Variants in ZNF343 observed in about 807,000 individuals in gnomAD.
ZNF343 encodes zinc finger protein 343.
ZNF343 carries 11 observed loss-of-function variants against 13.8 expected under a neutral mutation model. The ratio of observed to expected loss-of-function variants is 0.80; its 90% CI spans 0.50 to 1.32. The LOEUF is 1.32. Ranked by LOEUF, ZNF343 falls within the 40% of genes most tolerant of loss-of-function variation. The pLI, the probability that ZNF343 is intolerant of heterozygous loss-of-function variation, is 0.00. For synonymous variants in ZNF343, 248 were observed against 260.0 expected, an observed-to-expected ratio of 0.95 and a Z score of 0.44; for missense variants, 658 against 714.2, an observed-to-expected ratio of 0.92 and a Z score of 0.90.
chr20:2,490,174 G>C (rs560728975), intron 5 of ZNF343, among the ~76,000 whole-genome samples: 8 of 152,032 alleles, frequency 5.3e-5, no homozygotes, highest in Non-Finnish European at 1.2e-4. Context: ...AGAAAGATGG[G>C]GATGAAGCAC....
intron 1 of ZNF343, among the ~76,000 whole-genome samples, chr20:2,504,441 C>G (rs1350083102): frequency 6.6e-6 from 1 of 152,214 alleles, no homozygotes; most frequent in African/African-American, 2.4e-5. Context: ...TCCTCCCTAA[C>G]TCATTTTATG....
intron 1 of ZNF343, among the ~76,000 whole-genome samples, chr20:2,506,880 G>T (rs1156491749): frequency 6.6e-6 from 1 of 151,628 alleles, no homozygotes; most frequent in East Asian, 1.9e-4. Context: ...CACCAACATG[G>T]AACATGTATA....
chr20:2,488,619 T>C (rs2085318398), intron 5 of ZNF343, among the ~76,000 whole-genome samples: 1 of 152,226 alleles, frequency 6.6e-6, no homozygotes, highest in Non-Finnish European at 1.5e-5. Context: ...TATTTTTCAG[T>C]GCATTCTTGC....
intron 2 of ZNF343, among the ~76,000 whole-genome samples, chr20:2,499,850 T>A (rs916276527): frequency 7.2e-5 from 11 of 152,224 alleles, no homozygotes; most frequent in African/African-American, 2.7e-4. Context: ...CTTCTCCCTC[T>A]TATAGTTCTT....
chr20:2,496,676 A>T (rs929737819), intron 2 of ZNF343, among the ~76,000 whole-genome samples: 1 of 152,200 alleles, frequency 6.6e-6, no homozygotes, highest in Non-Finnish European at 1.5e-5. Context: ...GACACAGTGT[A>T]GGTGGTAAAT....
rs61276037 is a variant in ZNF343, at chr20:2,502,801, T to G, written c.-236-2059A>C. Reference sequence around the variant, plus strand: ...ACCACCAGGCCTGCCCTAAAAGACCTCCTGAAGGAAGCACTAAACATGGAA... The same window carrying G: ...ACCACCAGGCCTGCCCTAAAAGACCGCCTGAAGGAAGCACTAAACATGGAA... On this transcript the variant is annotated intron_variant, in intron 1 of 5. Coordinates refer to ENST00000278772, the MANE Select transcript of ZNF343 (RefSeq NM_024325.6). 7.6e-3 allele frequency among the ~76,000 whole-genome samples: 1,163 copies of G among 152,180 alleles called. 18 individuals carry two copies. Among genetic ancestry groups the G allele is most frequent in the African/African-American group, 0.026 (1,061 of 41,514 alleles).
chr20:2,510,028 C>T (rs2085728787), upstream of ZNF343, among the ~76,000 whole-genome samples: 1 of 152,218 alleles, frequency 6.6e-6, no homozygotes, highest in African/African-American at 2.4e-5. Context: ...GAAGATAGTG[C>T]CCTTATCTCC....
chr20:2,511,405 T>C (rs2085738670), upstream of ZNF343, among the ~76,000 whole-genome samples: 2 of 152,208 alleles, frequency 1.3e-5, no homozygotes, highest in African/African-American at 4.8e-5. Flanking sequence ...CCACCGCACC[T>C]GGCCTGGAAG....
intron 1 of ZNF343, among the ~76,000 whole-genome samples, chr20:2,514,279 A>T (rs1409379537): frequency 6.6e-6 from 1 of 152,234 alleles, no homozygotes; most frequent in African/African-American, 2.4e-5. Flanking sequence ...TCACCTTTAT[A>T]TGAGCTAAAA....
chr20:2,487,881 T>C (rs2085305561), intron 5 of ZNF343, among the ~76,000 whole-genome samples: 2 of 152,250 alleles, frequency 1.3e-5, no homozygotes, highest in Non-Finnish European at 2.9e-5. Context: ...GTGTGTAGTT[T>C]TAATTTGCAT....
chr20:2,491,658 T>C (rs1008120824), intron 5 of ZNF343, among the ~76,000 whole-genome samples: 1 of 152,206 alleles, frequency 6.6e-6, no homozygotes, highest in Non-Finnish European at 1.5e-5. Flanking sequence ...GAAAGTTTTA[T>C]TGGAACATAT....
chr20:2,499,416 G>A (rs2085520087), intron 2 of ZNF343, among the ~76,000 whole-genome samples: 1 of 88,862 alleles, frequency 1.1e-5, no homozygotes, highest in African/African-American at 4.1e-5. Flanking sequence ...AGTGAGCCGA[G>A]ATCCCGCCAC....
chr20:2,499,484 AAAAAAAAG>A (rs2085523667), intron 2 of ZNF343, among the ~76,000 whole-genome samples: 1 of 146,600 alleles, frequency 6.8e-6, no homozygotes, highest in African/African-American at 2.6e-5. Context: ...AAAAAAAAAA[AAAAAAAAG>A]AAAAAGAAAT....
chr20:2,522,387 C>A (rs2085786386), intron 1 of ZNF343, among the ~76,000 whole-genome samples: 1 of 152,214 alleles, frequency 6.6e-6, no homozygotes, highest in East Asian at 1.9e-4. Context: ...TGTAAACATA[C>A]ATTTTTATTT....
chr20:2,491,558 A>G (rs1466474993), intron 5 of ZNF343, among the ~76,000 whole-genome samples: 1 of 152,172 alleles, frequency 6.6e-6, no homozygotes, highest in Non-Finnish European at 1.5e-5. Context: ...TGGTTTTTAC[A>G]TTTTTAAATG....
chr20:2,508,807 C>T lies in ZNF343; in HGVS notation c.-237+74G>A, dbSNP rs1347906937. 1.3e-5 allele frequency: 2 copies of T among 152,292 alleles called. No homozygotes were observed. Among genetic ancestry groups the T allele is most frequent in the African/African-American group, 2.4e-5 (1 of 41,478 alleles). The allele number at this position is 152,292 out of a possible 1,614,324, so 9.4% of individuals were successfully genotyped here. A position where few individuals can be genotyped will look rare whatever the true frequency, so the allele number is the denominator to read the frequency against. On this transcript the variant is annotated intron_variant, in intron 1 of 5. Coordinates refer to ENST00000278772, the MANE Select transcript of ZNF343 (RefSeq NM_024325.6). This position sits in a 1 kb window ranked among gnomAD's most constrained non-coding sequence, Gnocchi z 4.5. ...TCTACCCCGCGTCCTAACCTACGCT[C>T]GGCCTTTCCCGACCCTCCTTTCCCC... is the stretch of plus-strand genomic sequence containing the variant.
At position 2,505,637 on chromosome 20, in the gene ZNF343, G is replaced by A. The variant is rs534739445; in HGVS notation, c.-237+3244C>T. On this transcript the variant is annotated intron_variant, in intron 1 of 5. Coordinates refer to ENST00000278772, the MANE Select transcript of ZNF343 (RefSeq NM_024325.6). Reference sequence around the variant, plus strand: ...AAACAGAGCCCTCAGAAATAATGCCGCATATCTACAACCATCTGATCTTTG... The same window carrying A: ...AAACAGAGCCCTCAGAAATAATGCCACATATCTACAACCATCTGATCTTTG... Among the ~76,000 whole-genome samples, 69 of 152,158 alleles carry A rather than the reference G, an allele frequency of 4.5e-4. 1 individual carries two copies. The highest frequency in any genetic ancestry group is 1.5e-3 in the East Asian group (8 of 5,180).
chr20:2,508,231 C>A lies in ZNF343; in HGVS notation c.-237+650G>T, dbSNP rs1477202761. 6.6e-6 allele frequency among the ~76,000 whole-genome samples: 1 copy of A among 152,122 alleles called. No homozygotes were observed. Among genetic ancestry groups the A allele is most frequent in the Non-Finnish European group, 1.5e-5 (1 of 68,022 alleles). On this transcript the variant is annotated intron_variant, in intron 1 of 5. Transcript: ENST00000278772. This position sits in a 1 kb window ranked among gnomAD's most constrained non-coding sequence, Gnocchi z 4.5. ...AGGGACTCCTGACCCAAGACACTCG[C>A]CCAGGCCCTCTCAGGATATTTTGAC...
In ZNF343 at chr20:2,518,158, C is replaced by T. The variant is rs962523857; in HGVS notation, c.-347+6297G>A. 6.6e-5 allele frequency among the ~76,000 whole-genome samples: 10 copies of T among 152,080 alleles called. No homozygotes were observed. Among genetic ancestry groups the T allele is most frequent in the African/African-American group, 2.2e-4 (9 of 41,486 alleles). ...CTTTCTGAGTAGCTGGGATTACAGG[C>T]GCGTGCCACCACGTCTGGCTACCTT... On this transcript the variant is annotated intron_variant, in intron 1 of 6. Transcript: ENST00000358413. This position sits in a 1 kb window ranked among gnomAD's most constrained non-coding sequence, Gnocchi z 4.6.
Sources: allele counts gnomAD v4.1 joint callset (sites outside exome capture counted in the v4.1 genomes callset), GRCh38; gene constraint gnomAD v4.1.1; non-coding constraint Gnocchi (gnomAD v3.1); transcripts MANE v1.5; gene names NCBI Gene and HGNC (gene_info 2026-07-23, HGNC 2026-07-21).